The following MPC2 variants were observed in gnomAD, a reference collection of about 807,000 sequenced individuals.
MPC2 encodes the protein mitochondrial pyruvate carrier 2, also known as brain protein 44.
In MPC2, 19 loss-of-function variants were observed where a neutral mutation model predicts 19.2. The ratio of observed to expected loss-of-function variants is 0.99; its 90% CI spans 0.69 to 1.45. MPC2 has a LOEUF of 1.45. Ranked by LOEUF, MPC2 falls within the 40% of genes most tolerant of loss-of-function variation. The pLI is 0.00. For synonymous variants in MPC2, 61 were observed against 54.3 expected (o/e 1.12, Z -0.54); for missense variants, 122 against 153.0 (o/e 0.80, Z 1.07).
rs115477934 is a variant in MPC2 at position 167,931,082 on chromosome 1, C to T, written c.109+4651G>A. 6.0e-3 allele frequency among the ~76,000 whole-genome samples: 917 copies of T among 152,316 alleles called. 3 individuals are homozygous for T. Among genetic ancestry groups the T allele is most frequent in the Non-Finnish European group, 9.4e-3 (639 of 68,034 alleles). ...GAGTAGCTGGGATTACAGGTGTGCA[C>T]CACCATGCCCAGCTAAATTTCGTAT... On this transcript the variant is annotated intron_variant, in intron 2 of 5. Transcript: ENST00000271373.
chr1:167,924,384 G>T, intron 3 of MPC2, 113 bp downstream of exon 3: 4 of 786,094 alleles, frequency 5.1e-6, no homozygotes, highest in Non-Finnish European at 8.0e-6. Context: ...AAATCATCTA[G>T]AGGCATACCA....
intron 2 of MPC2, among the ~76,000 whole-genome samples, chr1:167,925,434 CATATACACATATATATATATATATATAT>C (rs1334498583): frequency 2.7e-5 from 2 of 72,746 alleles, no homozygotes; most frequent in Non-Finnish European, 5.3e-5. Flanking sequence ...TACAGATATA[CATATACACATATATATATATATATATAT>C]ATATATATAT....
At position 167,929,249 on chromosome 1, in the gene MPC2, T is replaced by C. The variant is rs563593091; in HGVS notation, c.110-4712A>G. The stretch of plus-strand genomic sequence containing the variant: ...GGTGCATGCCTGTAATCCCAGCTAC[T>C]TGGGAAGGTTGAGGCAGGGGAATCG... On this transcript the variant is annotated intron_variant, in intron 2 of 5. Coordinates refer to ENST00000271373, the MANE Select transcript of MPC2 (RefSeq NM_001143674.4). 2.5e-4 allele frequency among the ~76,000 whole-genome samples: 38 copies of C among 152,114 alleles called. No homozygotes were observed. The Middle Eastern group carries it at 0.017, about 68-fold the overall frequency.
At position 167,924,519 on chromosome 1, in the gene MPC2, A is replaced by G. The variant is rs1670683739; in HGVS notation, c.128T>C (p.Phe43Ser). 6.3e-7 allele frequency: 1 copy of G among 1,586,832 alleles called. No homozygotes were observed. Among genetic ancestry groups the G allele is most frequent in the East Asian group, 2.3e-5 (1 of 44,332 alleles). ...TACCCATTTCATAATTGGAGCCCAG[A>G]AGAAAACTGTTCTGGGACCTGAAAA... ...NHPAGPRTVF[F>S]WAPIMKWGLV... The change falls in exon 3 of 6, where the codon TTC (phenylalanine) becomes TCC (serine). Residue 43 changes from phenylalanine to serine, a missense_variant. Coordinates refer to ENST00000271373, the MANE Select transcript of MPC2 (RefSeq NM_001143674.4).
chr1:167,935,853 G>T lies in MPC2; in HGVS notation c.-12C>A. ...CCGGCGGCCGACATCGCCGCCGAGG[G>T]ATCGTTGGCAGCCGGGTGGGAGCGT... On this transcript the variant is annotated 5_prime_UTR_variant, in exon 2 of 6. Transcript: ENST00000271373. The T allele has an allele frequency of 6.5e-7, 1 of 1,544,920 alleles. No homozygotes were observed. The highest frequency in any genetic ancestry group is 8.8e-7 in the Non-Finnish European group (1 of 1,142,702).
intron 5 of MPC2, among the ~76,000 whole-genome samples, chr1:167,919,083 G>A (rs745309508): frequency 4.6e-5 from 7 of 152,146 alleles, no homozygotes; most frequent in Non-Finnish European, 1.0e-4. Context: ...CTAAGAATAA[G>A]ATCAACAGGT....
chr1:167,929,994 C>A (rs546886033), intron 2 of MPC2, among the ~76,000 whole-genome samples: 1 of 152,194 alleles, frequency 6.6e-6, no homozygotes, highest in Admixed American at 6.5e-5. Flanking sequence ...AAACTAGATA[C>A]AAATCCTTAG....
At chr1:167,933,564 A>C (rs538575328) in intron 2 of MPC2, among the ~76,000 whole-genome samples, 1 of 152,362 alleles carries the variant, frequency 6.6e-6, no homozygotes, top group South Asian at 2.1e-4. Context: ...CCAACTGTTA[A>C]TATTGTAGCA....
intron 2 of MPC2, among the ~76,000 whole-genome samples, chr1:167,926,094 G>A (rs1427117532): frequency 1.3e-5 from 2 of 152,150 alleles, no homozygotes; most frequent in African/African-American, 2.4e-5. Context: ...TTCCTTGTGG[G>A]ACTACTCAGC....
At chr1:167,934,526 A>AT (rs1671007080) in intron 2 of MPC2, among the ~76,000 whole-genome samples, 1 of 152,358 alleles carries the variant, frequency 6.6e-6, no homozygotes, top group South Asian at 2.1e-4. Context: ...GATCAGTTTT[A>AT]TAATGGGTTC....
At chr1:167,931,972 G>A (rs1026591807) in intron 2 of MPC2, among the ~76,000 whole-genome samples, 1 of 152,150 alleles carries the variant, frequency 6.6e-6, no homozygotes, top group Non-Finnish European at 1.5e-5. Context: ...TGAGTCTTCA[G>A]AGGGAACCCA....
At chr1:167,923,194 G>T (rs1436422617) in intron 3 of MPC2, among the ~76,000 whole-genome samples, 2 of 152,126 alleles carry the variant, frequency 1.3e-5, no homozygotes, top group Admixed American at 1.3e-4. Flanking sequence ...CAACTTCTGG[G>T]TGTATACTAA....
At chr1:167,936,230 A>C in intron 1 of MPC2, 2 of 234,312 alleles carry the variant, frequency 8.5e-6, no homozygotes, top group Non-Finnish European at 1.7e-5. Flanking sequence ...TCGAGCGGAA[A>C]CCTCCTCCTT....
chr1:167,923,309 CAT>C (rs1670648354), intron 3 of MPC2, among the ~76,000 whole-genome samples: 1 of 151,998 alleles, frequency 6.6e-6, no homozygotes, highest in Non-Finnish European at 1.5e-5. Context: ...GTCCAATCAA[CAT>C]ATAGAAGAAT....
chr1:167,935,698 A>T (rs984861856), intron 2 of MPC2, 35 bp downstream of exon 2: 17 of 1,517,412 alleles, frequency 1.1e-5, no homozygotes, highest in Non-Finnish European at 1.3e-5. Flanking sequence ...AGCGAGAAGG[A>T]AGGTCTCGAT....
rs1553200827 is a variant in MPC2 at position 167,925,470 on chromosome 1, T to TATAC, written c.110-934_110-933insGTAT. Among the ~76,000 whole-genome samples, 48 of 107,772 alleles carry TATAC rather than the reference T, an allele frequency of 4.5e-4. No individual in the cohort carries two copies. In the East Asian group the frequency reaches 0.012, roughly 26 times the overall value. 70.7% of individuals were successfully genotyped at this position (107,772 alleles called of 152,430 possible). On this transcript the variant is annotated intron_variant, in intron 2 of 5. Coordinates refer to ENST00000271373, the MANE Select transcript of MPC2 (RefSeq NM_001143674.4). ...ATATATATATATATATATATATATA[T>TATAC]ATATACATATACATATACACACACA...
intron 3 of MPC2, among the ~76,000 whole-genome samples, chr1:167,921,720 G>GTT (rs536060936): frequency 1.3e-5 from 2 of 150,642 alleles, no homozygotes; most frequent in Admixed American, 6.6e-5. Context: ...TTAATAAATT[G>GTT]TTTTTTTTTA....
At chr1:167,933,873 T>C (rs1221596249) in intron 2 of MPC2, among the ~76,000 whole-genome samples, 1 of 152,246 alleles carries the variant, frequency 6.6e-6, no homozygotes, top group South Asian at 2.1e-4. Flanking sequence ...CTGACAGTTA[T>C]TGAGAGTCTA....
In MPC2 at chr1:167,937,000, G is replaced by A. The variant is rs1462888925; in HGVS notation, c.-119C>T. The A allele has an allele frequency of 1.2e-6, 2 of 1,609,124 alleles. No individual in the cohort carries two copies. Among genetic ancestry groups the A allele is most frequent in the South Asian group, 1.1e-5 (1 of 89,996 alleles). ...GAGGACCCGTCCCGGCTGCGGAGTC[G>A]CTACCTGGGTGAGCGGGGGCCCCGG... On this transcript the variant is annotated 5_prime_UTR_variant, in exon 1 of 6. Coordinates refer to ENST00000271373, the MANE Select transcript of MPC2 (RefSeq NM_001143674.4).
Sources: allele counts gnomAD v4.1 joint callset (sites outside exome capture counted in the v4.1 genomes callset), GRCh38; gene constraint gnomAD v4.1.1; transcripts MANE v1.5; gene names NCBI Gene and HGNC (gene_info 2026-07-23, HGNC 2026-07-21).